The following EDA variants were observed in gnomAD, a reference collection of about 807,000 sequenced individuals.
EDA encodes ectodysplasin A.
In EDA, 2 loss-of-function variants were observed where a neutral mutation model predicts 23.6. The ratio of observed to expected loss-of-function variants is 0.08; its 90% confidence interval spans 0.03 to 0.27. EDA has a LOEUF of 0.27. Among genes scored for constraint, EDA ranks in the 10% least tolerant of loss-of-function variants. EDA has a pLI of 1.00. For missense variants in EDA, 229 were observed against 324.2 expected, an observed-to-expected ratio of 0.71 and a Z score of 2.26; for synonymous variants, 131 against 132.0, an observed-to-expected ratio of 0.99 and a Z score of 0.05.
intron 1 of EDA, among the ~76,000 whole-genome samples, chrX:69,660,586 G>T (rs768941158): frequency 9.2e-6 from 1 of 108,974 alleles, no homozygotes; most frequent in Non-Finnish European, 1.9e-5. Flanking sequence ...GTGAGTACAT[G>T]TGGTGTTTGG....
intron 1 of EDA, among the ~76,000 whole-genome samples, chrX:69,879,916 T>G (rs1312111219): frequency 8.9e-6 from 1 of 112,362 alleles, no homozygotes. Context: ...GTGTTGGTAT[T>G]CTTACTTTCT....
intron 1 of EDA, among the ~76,000 whole-genome samples, chrX:69,624,965 C>T (rs953725160): frequency 9.0e-6 from 1 of 110,622 alleles, no homozygotes; most frequent in African/African-American, 3.3e-5. Context: ...TATATCTTGC[C>T]CCAATTTTCT....
chrX:69,683,213 T>C (rs1934435426), intron 1 of EDA, among the ~76,000 whole-genome samples: 1 of 111,526 alleles, frequency 9.0e-6, no homozygotes, highest in Admixed American at 9.6e-5. Flanking sequence ...TCGTTACTAT[T>C]CTTATTGTCT....
chrX:69,660,433 C>T lies in EDA; in HGVS notation c.396+43729C>T, dbSNP rs182117031. Among the ~76,000 whole-genome samples the T allele has an allele frequency of 3.6e-5, 4 of 110,304 alleles. No homozygotes were observed. The East Asian group carries it at 1.1e-3, about 31-fold the overall frequency. ...TGTATACATGTGCCATGTTGGTGTG[C>T]TGCACCCATTAACTCGTCATTTACA... On this transcript the variant is annotated intron_variant, in intron 1 of 7. Transcript: ENST00000374552.
chrX:69,824,955 T>A (rs2016368315), intron 1 of EDA, among the ~76,000 whole-genome samples: 1 of 83,889 alleles, frequency 1.2e-5, no homozygotes, highest in African/African-American at 4.9e-5. Context: ...ATTGAGATAA[T>A]CATGTGGTTT....
At chrX:69,833,376 C>T (rs772749270) in intron 1 of EDA, among the ~76,000 whole-genome samples, 1 of 111,493 alleles carries the variant, frequency 9.0e-6, no homozygotes, top group East Asian at 2.8e-4. Flanking sequence ...CCTTGCATCC[C>T]AGGGATGAAG....
At chrX:70,023,097 T>G (rs1004952161) in intron 2 of EDA, 121 bp from the exon 3 acceptor site, 1 of 410,351 alleles carries the variant, frequency 2.4e-6, no homozygotes, top group Non-Finnish European at 4.2e-6. Flanking sequence ...GCCTGACCCT[T>G]GGCTGTGAGA....
At chrX:69,781,473 A>G (rs933852779) in intron 1 of EDA, among the ~76,000 whole-genome samples, 2 of 111,958 alleles carry the variant, frequency 1.8e-5, no homozygotes, top group African/African-American at 6.5e-5. Context: ...ATCTATGGCT[A>G]CTTTTGCAGT....
At chrX:69,762,691 T>C (rs756024184) in intron 1 of EDA, among the ~76,000 whole-genome samples, 1 of 111,959 alleles carries the variant, frequency 8.9e-6, no homozygotes, top group African/African-American at 3.2e-5. Flanking sequence ...ATCAATACAT[T>C]TATTAAGCCA....
chrX:69,669,348 G>T (rs761019654), intron 1 of EDA, among the ~76,000 whole-genome samples: 1 of 110,384 alleles, frequency 9.1e-6, no homozygotes, highest in Non-Finnish European at 1.9e-5. Context: ...TAGCTTCTTT[G>T]TTCCTTTCTT....
intron 1 of EDA, among the ~76,000 whole-genome samples, chrX:69,843,744 C>T (rs941855590): frequency 1.8e-5 from 2 of 111,347 alleles, no homozygotes; most frequent in African/African-American, 6.5e-5. Context: ...ATTAAATAGC[C>T]GGGTGCGGTG....
At chrX:69,764,984 AC>A (rs1302467344) in intron 1 of EDA, among the ~76,000 whole-genome samples, 1 of 111,801 alleles carries the variant, frequency 8.9e-6, no homozygotes, top group African/African-American at 3.2e-5. Flanking sequence ...TAGGCATGGC[AC>A]CGCCTAACAA....
intron 1 of EDA, among the ~76,000 whole-genome samples, chrX:69,816,249 C>G (rs930913720): frequency 9.0e-6 from 1 of 111,582 alleles, no homozygotes; most frequent in Non-Finnish European, 1.9e-5. Flanking sequence ...AAAGAATCAC[C>G]AAAAAATTGC....
intron 1 of EDA, among the ~76,000 whole-genome samples, chrX:69,868,971 G>A (rs1232069146): frequency 8.9e-6 from 1 of 111,909 alleles, no homozygotes; most frequent in Non-Finnish European, 1.9e-5. Context: ...AGTTGAATGG[G>A]GATGTGGTGG....
intron 1 of EDA, among the ~76,000 whole-genome samples, chrX:69,738,099 T>A (rs1343990389): frequency 9.0e-6 from 1 of 111,529 alleles, no homozygotes; most frequent in African/African-American, 3.2e-5. Flanking sequence ...ATTATCAAGT[T>A]TATAATTTTC....
At chrX:69,963,307 A>C (rs983414563) in intron 2 of EDA, among the ~76,000 whole-genome samples, 1 of 112,216 alleles carries the variant, frequency 8.9e-6, no homozygotes, top group African/African-American at 3.2e-5. Flanking sequence ...AATTGCCCTC[A>C]TTTTAGTACT....
At chrX:69,710,981 T>C (rs2011995012) in intron 1 of EDA, among the ~76,000 whole-genome samples, 1 of 111,368 alleles carries the variant, frequency 9.0e-6, no homozygotes, top group Admixed American at 9.6e-5. Context: ...GAATACTCTT[T>C]ATTTCCTTCT....
At chrX:69,616,886 G>A in intron 1 of EDA, 182 bp downstream of exon 1, 1 of 600,510 alleles carries the variant, frequency 1.7e-6, no homozygotes, top group Non-Finnish European at 2.6e-6. Context: ...CCCTGGCCCA[G>A]CTAATCCAGA....
chrX:69,947,887 G>C (rs1179517528), intron 1 of EDA, among the ~76,000 whole-genome samples: 3 of 111,952 alleles, frequency 2.7e-5, no homozygotes, highest in Non-Finnish European at 3.8e-5. Flanking sequence ...GCTAGACCTA[G>C]GAAACAAAAA....
Sources: allele counts gnomAD v4.1 joint callset (sites outside exome capture counted in the v4.1 genomes callset), GRCh38; gene constraint gnomAD v4.1.1; transcripts MANE v1.5; gene names NCBI Gene and HGNC (gene_info 2026-07-23, HGNC 2026-07-21).